SYT14: variants seen among roughly 807,000 people sequenced by gnomAD.
SYT14 encodes synaptotagmin 14, also known as synaptotagmin-14.
A neutral mutation model predicts 74.2 loss-of-function variants in SYT14; 32 were observed. The observed-to-expected ratio is 0.43, with a 90% CI of 0.33 to 0.58. SYT14 has a LOEUF of 0.58. SYT14 is among the 20% of genes least tolerant of loss of function. SYT14 has a pLI of 0.05. For missense variants in SYT14, 791 were observed against 981.8 expected, an observed-to-expected ratio of 0.81 and a Z score of 2.60; for synonymous variants, 298 against 337.7, an observed-to-expected ratio of 0.88 and a Z score of 1.29.
chr1:210,116,508 G>A (rs34061391), intron 7 of SYT14, among the ~76,000 whole-genome samples: 240 of 152,110 alleles, frequency 1.6e-3, no homozygotes, highest in Non-Finnish European at 2.8e-3. Context: ...CACCATGTCC[G>A]GCTAATTTTT....
intron 1 of SYT14, among the ~76,000 whole-genome samples, chr1:209,946,929 G>C (rs1468831879): frequency 1.3e-5 from 2 of 152,144 alleles, no homozygotes; most frequent in Non-Finnish European, 2.9e-5. Flanking sequence ...GAAAATCCTT[G>C]GGTTCTTAAG....
intron 5 of SYT14, among the ~76,000 whole-genome samples, chr1:210,089,392 C>T (rs1362347152): frequency 6.6e-6 from 1 of 152,126 alleles, no homozygotes; most frequent in African/African-American, 2.4e-5. Flanking sequence ...TGCCTATATA[C>T]CCAGTAATGG....
chr1:210,032,815 T>TTA (rs1409212303), intron 5 of SYT14, among the ~76,000 whole-genome samples: 1 of 151,926 alleles, frequency 6.6e-6, no homozygotes, highest in Admixed American at 6.6e-5. Context: ...TTCTCCTAGT[T>TTA]TACTCTTCCA....
chr1:210,095,354 C>A (rs1161190288), intron 6 of SYT14, among the ~76,000 whole-genome samples: 1 of 152,152 alleles, frequency 6.6e-6, no homozygotes, highest in Non-Finnish European at 1.5e-5. Context: ...CAGCTCACTG[C>A]AGCTTCCTCC....
At chr1:210,125,628 C>CTA (rs1035232858) in intron 7 of SYT14, among the ~76,000 whole-genome samples, 1 of 152,172 alleles carries the variant, frequency 6.6e-6, no homozygotes, top group Non-Finnish European at 1.5e-5. Flanking sequence ...CTTGCTACTC[C>CTA]AGCTCTTCTA....
At chr1:210,108,657 G>A (rs892060346) in intron 7 of SYT14, among the ~76,000 whole-genome samples, 1 of 150,280 alleles carries the variant, frequency 6.7e-6, no homozygotes, top group Admixed American at 6.6e-5. Flanking sequence ...TAACTGAAGA[G>A]AGCCATTAAT....
At chr1:210,059,451 T>TAGAG (rs1553272603) in intron 5 of SYT14, among the ~76,000 whole-genome samples, 1,228 of 69,856 alleles carry the variant, frequency 0.018, 42 homozygotes, top group Admixed American at 0.043. Context: ...TATATATATA[T>TAGAG]AGAGAGAGAG....
exon 4 of SYT14, chr1:210,016,670 A>G (rs2080190267): frequency 2.4e-6 from 3 of 1,231,882 alleles, no homozygotes; most frequent in Non-Finnish European, 3.0e-6. Context: ...AGATAATTGT[A>G]AAAAGGAGGA....
chr1:210,016,657 T>A, exon 4 of SYT14: 2 of 1,231,878 alleles, frequency 1.6e-6, no homozygotes. Context: ...AATATGTTGG[T>A]ACAGATAATT....
chr1:209,981,837 C>G (rs571407796), intron 2 of SYT14, among the ~76,000 whole-genome samples: 1 of 152,226 alleles, frequency 6.6e-6, no homozygotes, highest in Admixed American at 6.5e-5. Context: ...GAGGCCTGCT[C>G]TTAGTCTCAT....
intron 7 of SYT14, among the ~76,000 whole-genome samples, chr1:210,109,670 G>A (rs950012625): frequency 1.3e-5 from 2 of 152,106 alleles, no homozygotes; most frequent in African/African-American, 4.8e-5. Context: ...ACTGTTGGTG[G>A]GAGTGTAAAT....
intron 5 of SYT14, among the ~76,000 whole-genome samples, chr1:210,070,255 G>C (rs2081368524): frequency 6.6e-6 from 1 of 152,022 alleles, no homozygotes; most frequent in Admixed American, 6.6e-5. Flanking sequence ...ATATGAAAAG[G>C]TAAAACTCTG....
intron 5 of SYT14, among the ~76,000 whole-genome samples, chr1:210,092,049 G>T (rs2081878536): frequency 6.6e-6 from 1 of 152,198 alleles, no homozygotes; most frequent in Admixed American, 6.5e-5. Flanking sequence ...GTTTAATTCA[G>T]TGGCTAATTA....
chr1:210,089,497 C>G (rs1189709577), intron 5 of SYT14, among the ~76,000 whole-genome samples: 1 of 152,194 alleles, frequency 6.6e-6, no homozygotes. Flanking sequence ...CTCCCACCAA[C>G]AGTGTAAAAG....
chr1:210,168,624 T>C (rs1304858892), exon 10 of SYT14: 1 of 152,190 alleles, frequency 6.6e-6, no homozygotes, highest in African/African-American at 2.4e-5. Flanking sequence ...CTATTTTGTT[T>C]AATGAGAAAA....
At chr1:209,981,504 A>G (rs555171130) in intron 2 of SYT14, among the ~76,000 whole-genome samples, 1 of 130,980 alleles carries the variant, frequency 7.6e-6, no homozygotes, top group South Asian at 2.4e-4. Flanking sequence ...CAAGCTAGAG[A>G]GCAGTGTTGC....
chr1:210,051,402 G>A (rs1037833132), intron 5 of SYT14, among the ~76,000 whole-genome samples: 1 of 151,970 alleles, frequency 6.6e-6, no homozygotes, highest in Non-Finnish European at 1.5e-5. Flanking sequence ...TATTTCATTC[G>A]ATGTTGAGTT....
intron 2 of SYT14, among the ~76,000 whole-genome samples, chr1:210,006,901 C>G (rs1376385542): frequency 2.0e-5 from 3 of 151,478 alleles, no homozygotes; most frequent in African/African-American, 7.3e-5. Flanking sequence ...TCATGTATAT[C>G]CTAGCATTTT....
At chr1:210,035,316 C>T (rs846551) in intron 5 of SYT14, among the ~76,000 whole-genome samples, 52,049 of 151,666 alleles carry the variant, frequency 0.34, 9,898 homozygotes, top group Non-Finnish European at 0.42. Flanking sequence ...GATATTATAA[C>T]TTGTCTATCA....
Sources: gnomAD v4.1 joint callset for allele counts (sites outside exome capture counted in the v4.1 genomes callset) on GRCh38, gnomAD v4.1.1 for gene constraint, MANE v1.5 for transcripts, NCBI Gene and HGNC (gene_info 2026-07-23, HGNC 2026-07-21) for gene names.